PCDH11X: variants seen among roughly 807,000 people sequenced by gnomAD.
PCDH11X encodes protocadherin-11 X-linked.
Under a neutral mutation model 53.3 loss-of-function variants are expected in PCDH11X, and 18 were observed. The ratio of observed to expected loss-of-function variants is 0.34; its 90% confidence interval spans 0.23 to 0.50. PCDH11X has a LOEUF of 0.50. Ranked by LOEUF, PCDH11X falls within the 20% of genes least tolerant of loss-of-function variation. The probability of loss-of-function intolerance (pLI) is 0.98; values close to 1 mark genes in which losing one functional copy is unlikely to be tolerated. For synonymous variants in PCDH11X, 279 were observed against 393.3 expected, an observed-to-expected ratio of 0.71 and a Z score of 3.44; for missense variants, 570 against 1,032.4, an observed-to-expected ratio of 0.55 and a Z score of 6.14.
At chrX:92,203,975 TG>T (rs2066434676) in intron 7 of PCDH11X, among the ~76,000 whole-genome samples, 1 of 112,307 alleles carries the variant, frequency 8.9e-6, no homozygotes, top group African/African-American at 3.2e-5. Context: ...GCTTGGGGCT[TG>T]CACCCTCTGA....
At chrX:92,495,386 G>T (rs1296027804) in intron 10 of PCDH11X, among the ~76,000 whole-genome samples, 1 of 108,998 alleles carries the variant, frequency 9.2e-6, no homozygotes, top group Non-Finnish European at 1.9e-5. Context: ...ACACACAGTC[G>T]CAGTCAATTT....
chrX:91,909,020 AAC>A (rs1202829837), intron 6 of PCDH11X, among the ~76,000 whole-genome samples: 2 of 111,467 alleles, frequency 1.8e-5, no homozygotes, highest in African/African-American at 3.3e-5. Flanking sequence ...CTATTATAAA[AAC>A]ACAGTTATGT....
chrX:92,246,962 A>G (rs2067363998), intron 7 of PCDH11X, among the ~76,000 whole-genome samples: 2 of 111,685 alleles, frequency 1.8e-5, no homozygotes, highest in Non-Finnish European at 3.8e-5. Flanking sequence ...CCAATTTTAC[A>G]GATTAATAAT....
chrX:92,227,612 T>C (rs1019721111), intron 7 of PCDH11X, among the ~76,000 whole-genome samples: 2 of 111,750 alleles, frequency 1.8e-5, no homozygotes, highest in Non-Finnish European at 3.8e-5. Flanking sequence ...CAAAATGTTA[T>C]CTACAATTCA....
chrX:91,788,411 TA>T (rs981697527), intron 1 of PCDH11X, among the ~76,000 whole-genome samples: 19 of 112,628 alleles, frequency 1.7e-4, no homozygotes, highest in African/African-American at 5.8e-4. Flanking sequence ...TTAAGTATTT[TA>T]TTTTTTTTAA....
At chrX:92,283,164 G>C in intron 8 of PCDH11X, among the ~76,000 whole-genome samples, 1 of 111,217 alleles carries the variant, frequency 9.0e-6, no homozygotes, top group East Asian at 2.8e-4. Flanking sequence ...AATCATTTTA[G>C]CAACACCTAT....
intron 10 of PCDH11X, among the ~76,000 whole-genome samples, chrX:92,501,502 C>T (rs1286166374): frequency 9.0e-6 from 1 of 111,501 alleles, no homozygotes; most frequent in Non-Finnish European, 1.9e-5. Context: ...AAACCAAAGC[C>T]AGCAGCACGT....
chrX:92,003,064 G>A (rs746905378), intron 6 of PCDH11X, among the ~76,000 whole-genome samples: 47 of 103,421 alleles, frequency 4.5e-4, no homozygotes, highest in African/African-American at 1.4e-3. Flanking sequence ...GGAATGTTCC[G>A]TCTATTCCCA....
intron 7 of PCDH11X, among the ~76,000 whole-genome samples, chrX:92,205,307 T>C (rs1443118937): frequency 8.9e-6 from 1 of 111,859 alleles, no homozygotes; most frequent in African/African-American, 3.2e-5. Flanking sequence ...TTGGTGAGAA[T>C]GTAGAATACA....
At chrX:91,899,958 G>A (rs751791446) in intron 6 of PCDH11X, among the ~76,000 whole-genome samples, 1 of 111,722 alleles carries the variant, frequency 9.0e-6, no homozygotes, top group African/African-American at 3.3e-5. Context: ...TCAGCAGGTC[G>A]TGGTTTTTAC....
intron 10 of PCDH11X, among the ~76,000 whole-genome samples, chrX:92,543,810 T>C (rs1228642753): frequency 2.8e-5 from 3 of 108,540 alleles, no homozygotes; most frequent in African/African-American, 1.0e-4. Flanking sequence ...TAATATATAG[T>C]CTAGAATAAC....
At chrX:92,097,144 A>G (rs910349214) in intron 6 of PCDH11X, among the ~76,000 whole-genome samples, 1 of 111,428 alleles carries the variant, frequency 9.0e-6, no homozygotes, top group Non-Finnish European at 1.9e-5. Context: ...GGGACCACGC[A>G]TGGTGGCTCA....
Position 91,854,574 on chromosome X carries a change from C to T in PCDH11X, c.540+18530C>T, listed in dbSNP as rs745794219. 9.8e-5 allele frequency among the ~76,000 whole-genome samples: 11 copies of T among 112,165 alleles called. No homozygotes were observed. The East Asian group carries it at 3.1e-3, about 31-fold the overall frequency. ...CAATTCTTAGTTTTTTGAGGAACCT[C>T]CAAACTGTTCTCCAAGTGATTGTAC... On this transcript the variant is annotated intron_variant, in intron 5 of 10. Transcript: ENST00000682573.
In PCDH11X at chrX:92,037,874, C is replaced by A. The variant is rs370833164; in HGVS notation, c.3033+158601C>A. On this transcript the variant is annotated intron_variant, in intron 6 of 10. Coordinates refer to ENST00000682573, the MANE Select transcript of PCDH11X (RefSeq NM_032968.5). ...AGAAGTGTCTGTTCATATCATTTGC[C>A]CCCTTTTTGATGGGGTTATTTGTGG... 5.8e-5 allele frequency among the ~76,000 whole-genome samples: 6 copies of A among 103,973 alleles called. No individual in the cohort carries two copies. The South Asian group carries it at 2.5e-3, about 43-fold the overall frequency. 90.3% of individuals were successfully genotyped at this position (103,973 alleles called of 115,157 possible). A position where few individuals can be genotyped will look rare whatever the true frequency, so the allele number is the denominator to read the frequency against.
At chrX:92,190,971 C>T (rs1252735008) in intron 6 of PCDH11X, among the ~76,000 whole-genome samples, 1 of 111,825 alleles carries the variant, frequency 8.9e-6, no homozygotes, top group African/African-American at 3.2e-5. Context: ...TAATAATATG[C>T]AAATCTTTCC....
intron 8 of PCDH11X, among the ~76,000 whole-genome samples, chrX:92,379,045 G>C (rs932398897): frequency 8.0e-5 from 9 of 112,933 alleles, no homozygotes; most frequent in African/African-American, 2.9e-4. Flanking sequence ...AGCTGCAGTG[G>C]GGGAGGCGTG....
At chrX:92,467,604 G>A (rs1002302732) in intron 9 of PCDH11X, among the ~76,000 whole-genome samples, 3 of 110,708 alleles carry the variant, frequency 2.7e-5, no homozygotes, top group African/African-American at 9.8e-5. Flanking sequence ...ACTTGTTCCA[G>A]GTCAAGCATG....
At chrX:91,882,863 C>T in intron 6 of PCDH11X, 2 of 1,179,860 alleles carry the variant, frequency 1.7e-6, no homozygotes. Flanking sequence ...ACTCCTAGAA[C>T]ACAACCATCT....
chrX:91,888,064 C>T (rs878863776), intron 6 of PCDH11X, among the ~76,000 whole-genome samples: 3 of 111,557 alleles, frequency 2.7e-5, no homozygotes, highest in Non-Finnish European at 5.6e-5. Context: ...TATTTGCAAC[C>T]GAAATTGTTT....
Sources: gnomAD v4.1 joint callset for allele counts (sites outside exome capture counted in the v4.1 genomes callset) on GRCh38, gnomAD v4.1.1 for gene constraint, MANE v1.5 for transcripts, NCBI Gene and HGNC (gene_info 2026-07-23, HGNC 2026-07-21) for gene names.